The following WIPF2 variants were observed in gnomAD, a reference collection of about 807,000 sequenced individuals.
WIPF2 encodes WAS/WASL-interacting protein family member 2.
Under a neutral mutation model 38.8 loss-of-function variants are expected in WIPF2, and 23 were observed. That is an observed-to-expected ratio of 0.59 (90% CI 0.43 to 0.84). The LOEUF (loss-of-function observed/expected upper bound fraction) is 0.84, where lower values mean the gene tolerates loss of function less well. WIPF2 is among the 40% of genes least tolerant of loss of function. The pLI is 0.00. For missense variants in WIPF2, 574 were observed against 580.5 expected (o/e 0.99, Z 0.11); for synonymous variants, 210 against 223.2 (o/e 0.94, Z 0.53).
chr17:40,249,961 T>C (rs2031499168), intron 1 of WIPF2, among the ~76,000 whole-genome samples: 1 of 150,690 alleles, frequency 6.6e-6, no homozygotes, highest in Non-Finnish European at 1.5e-5. Flanking sequence ...GCCTCTGGAG[T>C]AGCTGGGACT....
intron 2 of WIPF2, among the ~76,000 whole-genome samples, chr17:40,256,793 C>T (rs983360905): frequency 2.0e-5 from 3 of 152,074 alleles, no homozygotes; most frequent in African/African-American, 7.2e-5. Context: ...TCTTTTTCAG[C>T]TGGTTCTGAT....
intron 2 of WIPF2, 100 bp from the exon 3 acceptor site, chr17:40,260,435 C>T: frequency 1.4e-6 from 2 of 1,427,652 alleles, no homozygotes; most frequent in South Asian, 2.6e-5. Flanking sequence ...GATCCACCTG[C>T]CTTGGCCTCC....
intron 2 of WIPF2, among the ~76,000 whole-genome samples, chr17:40,257,652 G>A (rs1407963445): frequency 6.6e-6 from 1 of 151,452 alleles, no homozygotes; most frequent in Non-Finnish European, 1.5e-5. Flanking sequence ...AGGCTGAAGC[G>A]GGAGAATTGC....
intron 5 of WIPF2, among the ~76,000 whole-genome samples, chr17:40,267,818 G>A (rs1216729163): frequency 1.3e-5 from 2 of 152,180 alleles, no homozygotes; most frequent in South Asian, 2.1e-4. Flanking sequence ...TTTAAAGTCA[G>A]TTTCTACAGG....
intron 6 of WIPF2, among the ~76,000 whole-genome samples, chr17:40,275,520 A>G (rs965648344): frequency 3.3e-5 from 5 of 151,722 alleles, no homozygotes; most frequent in Middle Eastern, 6.9e-3. Context: ...TCTGTTGAGG[A>G]CCCTTGGAAG....
intron 1 of WIPF2, among the ~76,000 whole-genome samples, chr17:40,249,863 C>A (rs1044238920): frequency 6.1e-5 from 9 of 146,748 alleles, no homozygotes; most frequent in Non-Finnish European, 1.5e-5. Flanking sequence ...GATGGAGTCT[C>A]GCACTGTCAC....
intron 3 of WIPF2, among the ~76,000 whole-genome samples, chr17:40,261,918 CCCGCCT>C (rs143503940): frequency 0.11 from 16,859 of 147,830 alleles, 1,036 homozygotes; most frequent in East Asian, 0.3. Context: ...TCATGATCCG[CCCGCCT>C]CCGCCTCCGC....
chr17:40,225,298 T>G (rs185919075), intron 1 of WIPF2, among the ~76,000 whole-genome samples: 1 of 151,808 alleles, frequency 6.6e-6, no homozygotes, highest in East Asian at 1.9e-4. Context: ...AGGCTAAATT[T>G]ATGAGCATTT....
intron 1 of WIPF2, among the ~76,000 whole-genome samples, chr17:40,245,351 T>TC (rs1567714692): frequency 6.6e-6 from 1 of 151,986 alleles, no homozygotes; most frequent in African/African-American, 2.4e-5. Context: ...TAATTCTTTT[T>TC]TTTTTTTTTG....
intron 3 of WIPF2, 70 bp downstream of exon 3, chr17:40,260,737 C>A: frequency 6.2e-7 from 1 of 1,607,156 alleles, no homozygotes; most frequent in South Asian, 1.1e-5. Context: ...TGGCTGGGTT[C>A]TTATTTTTAT....
chr17:40,235,392 A>G (rs1050259740), intron 1 of WIPF2, among the ~76,000 whole-genome samples: 60 of 152,072 alleles, frequency 3.9e-4, no homozygotes, highest in African/African-American at 1.4e-3. Context: ...GTTTTTCCCT[A>G]GACATAGTAA....
chr17:40,262,691 G>C (rs777289348), intron 4 of WIPF2, 50 bp downstream of exon 4: 6 of 1,510,334 alleles, frequency 4.0e-6, no homozygotes, highest in Admixed American at 1.7e-5. Flanking sequence ...GTTAATTTCT[G>C]ATGTCCCAAG....
At chr17:40,255,144 A>T (rs1282970933) in intron 1 of WIPF2, among the ~76,000 whole-genome samples, 2 of 152,108 alleles carry the variant, frequency 1.3e-5, no homozygotes, top group Admixed American at 1.3e-4. Context: ...TGTTATCCAG[A>T]ATATACAAAG....
chr17:40,236,636 TCTCA>T (rs2030981346), intron 1 of WIPF2, among the ~76,000 whole-genome samples: 1 of 127,574 alleles, frequency 7.8e-6, no homozygotes, highest in Admixed American at 8.2e-5. Context: ...TAAGACGGAG[TCTCA>T]CTCTGTCGCC....
chr17:40,258,484 C>T (rs551534960), intron 2 of WIPF2, among the ~76,000 whole-genome samples: 52 of 152,070 alleles, frequency 3.4e-4, no homozygotes, highest in African/African-American at 9.9e-4. Flanking sequence ...CCCAGCTACT[C>T]GAGAGGCTGA....
At chr17:40,235,992 T>C (rs2030953953) in intron 1 of WIPF2, among the ~76,000 whole-genome samples, 1 of 151,060 alleles carries the variant, frequency 6.6e-6, no homozygotes, top group African/African-American at 2.4e-5. Flanking sequence ...GGAGTCTTGC[T>C]CTGTCACCCA....
rs781747479 is a variant in WIPF2, at chr17:40,265,062, C to T, written c.886C>T (p.Pro296Ser). The stretch of plus-strand genomic sequence containing the variant: ...ACCAGGGCCTGTCAGAGGCCTAGCA[C>T]CTCCTCCACCCACCTCGGCCTCCCC... ...KTPGPVRGLAPPPPTSASPSL... is the reference protein window; with the variant it reads ...KTPGPVRGLASPPPTSASPSL... The change falls in exon 5 of 8, where the codon CCT becomes TCT. Residue 296 changes from proline (P) to serine (S), a missense_variant. Pro to Ser is a moderately conservative substitution (Grantham distance 74). Coordinates refer to ENST00000323571, the MANE Select transcript of WIPF2 (RefSeq NM_133264.5). 3.7e-6 allele frequency: 6 copies of T among 1,614,048 alleles called. No homozygotes were observed. In the South Asian group the frequency reaches 5.5e-5, roughly 15 times the overall value.
At chr17:40,248,004 A>G (rs999223320) in intron 1 of WIPF2, among the ~76,000 whole-genome samples, 9 of 151,718 alleles carry the variant, frequency 5.9e-5, no homozygotes, top group African/African-American at 1.9e-4. Context: ...TGTTAATTCT[A>G]TTTTTGTCTG....
chr17:40,233,392 A>G (rs1011659936), intron 1 of WIPF2, among the ~76,000 whole-genome samples: 1 of 151,908 alleles, frequency 6.6e-6, no homozygotes, highest in African/African-American at 2.4e-5. Flanking sequence ...AAAAAACACT[A>G]CTTTATTTCT....
Sources: allele counts gnomAD v4.1 joint callset (sites outside exome capture counted in the v4.1 genomes callset), GRCh38; gene constraint gnomAD v4.1.1; transcripts MANE v1.5; gene names NCBI Gene and HGNC (gene_info 2026-07-23, HGNC 2026-07-21).